Variants in GRID2 observed in about 807,000 individuals in gnomAD.
The protein encoded by GRID2 is glutamate ionotropic receptor delta type subunit 2.
GRID2 carries 33 observed loss-of-function variants against 114.8 expected under a neutral mutation model. That is an observed-to-expected ratio of 0.29 (90% CI 0.22 to 0.38). GRID2 has a LOEUF of 0.38. GRID2 is among the 10% of genes least tolerant of loss of function. The probability of loss-of-function intolerance (pLI) is 1.00; values close to 1 mark genes in which losing one functional copy is unlikely to be tolerated. For synonymous variants in GRID2, 505 were observed against 449.9 expected, an observed-to-expected ratio of 1.12 and a Z score of -1.55; for missense variants, 1,184 against 1,257.7, an observed-to-expected ratio of 0.94 and a Z score of 0.89.
At chr4:92,786,890 A>G (rs1404906183) in intron 2 of GRID2, among the ~76,000 whole-genome samples, 1 of 151,978 alleles carries the variant, frequency 6.6e-6, no homozygotes, top group Non-Finnish European at 1.5e-5. Context: ...CAGACAGCTA[A>G]TTAAAAGATT....
At chr4:93,172,627 G>A (rs1193315914) in intron 4 of GRID2, among the ~76,000 whole-genome samples, 1 of 151,968 alleles carries the variant, frequency 6.6e-6, no homozygotes, top group South Asian at 2.1e-4. Flanking sequence ...AATGACAGTT[G>A]CTATTGGAAA....
At chr4:92,318,646 T>C (rs890308784) in intron 1 of GRID2, among the ~76,000 whole-genome samples, 2 of 151,072 alleles carry the variant, frequency 1.3e-5, no homozygotes, top group Non-Finnish European at 3.0e-5. Flanking sequence ...TCCCTAATGT[T>C]TGTATTTTTT....
chr4:92,603,442 G>A (rs6844431), intron 2 of GRID2, among the ~76,000 whole-genome samples: 41,367 of 151,868 alleles, frequency 0.27, 5,540 homozygotes, highest in South Asian at 0.32. Flanking sequence ...AATAAGCAAT[G>A]GGGAAAGGAT....
intron 1 of GRID2, among the ~76,000 whole-genome samples, chr4:92,498,943 AAAC>A (rs1165481367): frequency 6.7e-6 from 1 of 149,160 alleles, no homozygotes; most frequent in Non-Finnish European, 1.5e-5. Flanking sequence ...AAAAAAAAAA[AAAC>A]AAGTTAGAAG....
intron 2 of GRID2, among the ~76,000 whole-genome samples, chr4:92,590,760 C>A (rs553500059): frequency 6.6e-6 from 1 of 152,118 alleles, no homozygotes; most frequent in Non-Finnish European, 1.5e-5. Context: ...AACATACTGA[C>A]CTACGCTATA....
chr4:92,946,573 G>A (rs1751647352), intron 2 of GRID2, among the ~76,000 whole-genome samples: 1 of 151,924 alleles, frequency 6.6e-6, no homozygotes, highest in Non-Finnish European at 1.5e-5. Context: ...GGCTTTGTTT[G>A]TACTACTATG....
At chr4:92,713,858 T>C (rs1261735263) in intron 2 of GRID2, among the ~76,000 whole-genome samples, 2 of 152,134 alleles carry the variant, frequency 1.3e-5, no homozygotes, top group East Asian at 3.9e-4. Context: ...TTAGGAATTA[T>C]GGGAGTTACA....
At position 93,772,687 on chromosome 4, in the gene GRID2, C is replaced by T. The variant is rs1734207046; in HGVS notation, c.*189C>T. 1 of 539,726 alleles carries T rather than the reference C, an allele frequency of 1.9e-6. No individual in the cohort carries two copies. Among genetic ancestry groups the T allele is most frequent in the Non-Finnish European group, 3.2e-6 (1 of 309,380 alleles). The allele number at this position is 539,726 out of a possible 1,614,324, so 33.4% of individuals were successfully genotyped here. A position where few individuals can be genotyped will look rare whatever the true frequency, so the allele number is the denominator to read the frequency against. On this transcript the variant is annotated 3_prime_UTR_variant, in exon 16 of 16. Coordinates refer to ENST00000282020, the MANE Select transcript of GRID2 (RefSeq NM_001510.4). ...TATGATTTTCTCTCTTTCCCCCTCC[C>T]TTCCTGTACATTTTCCTCCACTTTT...
intron 2 of GRID2, among the ~76,000 whole-genome samples, chr4:92,864,653 A>G (rs1744742976): frequency 6.6e-6 from 1 of 152,194 alleles, no homozygotes; most frequent in African/African-American, 2.4e-5. Context: ...TAGGAAGGGT[A>G]TAGCATCCAT....
chr4:92,858,650 C>T (rs1744329526), intron 2 of GRID2, among the ~76,000 whole-genome samples: 1 of 152,150 alleles, frequency 6.6e-6, no homozygotes, highest in African/African-American at 2.4e-5. Context: ...CTCCGACTCC[C>T]AGGTTCACGC....
intron 2 of GRID2, among the ~76,000 whole-genome samples, chr4:92,797,679 C>T (rs189996321): frequency 2.0e-5 from 3 of 151,852 alleles, no homozygotes; most frequent in East Asian, 3.9e-4. Context: ...TATGACATAT[C>T]TAACTTTTTC....
intron 1 of GRID2, among the ~76,000 whole-genome samples, chr4:92,481,316 C>T (rs193020339): frequency 5.9e-5 from 9 of 152,022 alleles, no homozygotes; most frequent in East Asian, 1.9e-4. Flanking sequence ...TAAGAAATTA[C>T]GGAAAGAAAA....
In GRID2 at chr4:93,155,038, A is replaced by G. The variant is rs529483672; in HGVS notation, c.735+44085A>G. On this transcript the variant is annotated intron_variant, in intron 4 of 15. Coordinates refer to ENST00000282020, the MANE Select transcript of GRID2 (RefSeq NM_001510.4). ...ACAATTTAATATTTTCAGATTACCTACATAGAGGCTCCTTGGTGGTCTAGT... is the reference window on the plus strand; with the variant it reads ...ACAATTTAATATTTTCAGATTACCTGCATAGAGGCTCCTTGGTGGTCTAGT... Among the ~76,000 whole-genome samples, 9 of 151,998 alleles carry G rather than the reference A, an allele frequency of 5.9e-5. No homozygotes were observed. The East Asian group carries it at 1.7e-3, about 30-fold the overall frequency.
chr4:92,903,341 G>T lies in GRID2; in HGVS notation c.245-181654G>T, dbSNP rs138540560. 1.1e-3 allele frequency among the ~76,000 whole-genome samples: 171 copies of T among 151,868 alleles called. 2 individuals carry two copies. The highest frequency in any genetic ancestry group is 3.5e-3 in the African/African-American group (147 of 41,516). ...TGGGTTCTTAGGTTTTTATAAAATT[G>T]CAAAGTAAGTAAATTAATATCCAAT... On this transcript the variant is annotated intron_variant, in intron 2 of 15. Transcript: ENST00000282020.
At chr4:92,402,319 T>G (rs2110283156) in intron 1 of GRID2, among the ~76,000 whole-genome samples, 1 of 152,310 alleles carries the variant, frequency 6.6e-6, no homozygotes, top group South Asian at 2.1e-4. Flanking sequence ...ACACACGTTT[T>G]TATTGGTATC....
At chr4:92,667,252 T>C (rs748784571) in intron 2 of GRID2, among the ~76,000 whole-genome samples, 1 of 151,716 alleles carries the variant, frequency 6.6e-6, no homozygotes, top group African/African-American at 2.4e-5. Flanking sequence ...TGGTGCTTCC[T>C]ACTCCACTGT....
chr4:92,563,053 A>G (rs943246872), intron 1 of GRID2, among the ~76,000 whole-genome samples: 3 of 152,092 alleles, frequency 2.0e-5, no homozygotes, highest in South Asian at 4.1e-4. Context: ...TCTTCTTCCC[A>G]TGACTTTGAG....
chr4:93,493,998 AT>A (rs1471118029), intron 12 of GRID2, among the ~76,000 whole-genome samples: 1 of 151,812 alleles, frequency 6.6e-6, no homozygotes, highest in Non-Finnish European at 1.5e-5. Flanking sequence ...CCCTCCCGAA[AT>A]TTAAAGATAT....
chr4:93,720,985 A>G (rs1464810935), intron 14 of GRID2, among the ~76,000 whole-genome samples: 1 of 152,194 alleles, frequency 6.6e-6, no homozygotes, highest in African/African-American at 2.4e-5. Flanking sequence ...ATATGTTTGC[A>G]TCCTGAGATT....
Sources: allele counts gnomAD v4.1 joint callset (sites outside exome capture counted in the v4.1 genomes callset), GRCh38; gene constraint gnomAD v4.1.1; transcripts MANE v1.5; gene names NCBI Gene and HGNC (gene_info 2026-07-23, HGNC 2026-07-21).